The following MYADM variants were observed in gnomAD, a reference collection of about 807,000 sequenced individuals.
The protein encoded by MYADM is myeloid associated differentiation marker, also known as myeloid-associated differentiation marker.
For synonymous variants in MYADM, 224 were observed against 210.2 expected (o/e 1.07, Z -0.57); for missense variants, 416 against 443.4 (o/e 0.94, Z 0.56).
chr19:53,872,000 G>A (rs2068399248), intron 2 of MYADM, among the ~76,000 whole-genome samples: 1 of 152,138 alleles, frequency 6.6e-6, no homozygotes, highest in East Asian at 1.9e-4. Flanking sequence ...TAGGGTTCAA[G>A]CGATTCTCCT....
At chr19:53,872,683 T>A (rs538252929) in intron 2 of MYADM, 1 of 151,550 alleles carries the variant, frequency 6.6e-6, no homozygotes, top group African/African-American at 2.4e-5. Flanking sequence ...ATTAAAAAAT[T>A]TTTTTTTGGT....
rs771821931 is a variant in MYADM at position 53,873,503 on chromosome 19, G to A, written c.-2-25G>A. ...ATTCTTATGTTTGTGACTGTATAAG[G>A]ACACTGTCTTTCCCCTTTTTGCAGC... On this transcript the variant is annotated intron_variant, in intron 2 of 2. Coordinates refer to ENST00000391770, the MANE Select transcript of MYADM (RefSeq NM_138373.5). This position sits in a 1 kb window ranked among gnomAD's most constrained non-coding sequence, Gnocchi z 4.3. The A allele has an allele frequency of 3.0e-5, 47 of 1,575,694 alleles. 2 individuals are homozygous for A. The South Asian group carries it at 4.8e-4, about 16-fold the overall frequency.
Position 53,874,048 on chromosome 19 carries a change from C to A in MYADM, c.519C>A (p.Pro173=), listed in dbSNP as rs780298853. ...GEITGYMATV[P]GLLKVLETFV... ...TCACTGGCTATATGGCCACCGTACC[C>A]GGGCTGCTGAAGGTGCTGGAGACCT... The change falls in exon 3 of 3, where the codon CCC becomes CCA. Residue 173 remains proline, a synonymous_variant. Transcript: ENST00000391770. The A allele has an allele frequency of 2.5e-6, 4 of 1,609,728 alleles. No homozygotes were observed. The African/African-American group carries it at 5.3e-5, about 21-fold the overall frequency.
intron 2 of MYADM, among the ~76,000 whole-genome samples, chr19:53,871,877 ATTTAT>A (rs1277749383): frequency 2.6e-5 from 4 of 151,546 alleles, no homozygotes; most frequent in Non-Finnish European, 4.4e-5. Context: ...TTTATTTTTT[ATTTAT>A]TTTATTTATT....
rs1466320652 is a variant in MYADM, at chr19:53,875,618, G to A, written c.*1120G>A. 1 of 161,808 alleles carries A rather than the reference G, an allele frequency of 6.2e-6. No homozygotes were observed. The highest frequency in any genetic ancestry group is 1.5e-5 in the Non-Finnish European group (1 of 68,064). The allele number at this position is 161,808 out of a possible 1,614,324, so 10.0% of individuals were successfully genotyped here. The stretch of plus-strand genomic sequence containing the variant: ...TAATCCCAGCACTTTGGGAGACCAA[G>A]TCAGGCAATCATCTGAAGTCAGGAG... On this transcript the variant is annotated 3_prime_UTR_variant, in exon 3 of 3. Coordinates refer to ENST00000391770, the MANE Select transcript of MYADM (RefSeq NM_138373.5).
Position 53,874,147 on chromosome 19 carries a change from C to T in MYADM, c.618C>T (p.Cys206=), listed in dbSNP as rs780132482. 5 of 1,613,648 alleles carry T rather than the reference C, an allele frequency of 3.1e-6. No individual in the cohort carries two copies. Among genetic ancestry groups the T allele is most frequent in the Admixed American group, 1.7e-5 (1 of 60,036 alleles). ...LYQHQPALEW[C]VAVYAICFIL... is the part of the protein sequence containing the mutation. ...AGCACCAGCCGGCCCTGGAGTGGTG[C>T]GTGGCGGTGTACGCCATCTGCTTCA... The change falls in exon 3 of 3, where the codon TGC becomes TGT. Residue 206 remains cysteine (C), a synonymous_variant. Transcript: ENST00000391770.
upstream of MYADM, among the ~76,000 whole-genome samples, chr19:53,867,333 C>A (rs550368394): frequency 6.6e-6 from 1 of 152,098 alleles, no homozygotes; most frequent in Non-Finnish European, 1.5e-5. Context: ...CCTAGCCCCC[C>A]CATTGAACTG....
Position 53,874,385 on chromosome 19 carries a change from T to C in MYADM, c.856T>C (p.Tyr286His). The change falls in exon 3 of 3, where the codon TAC becomes CAC. Residue 286 changes from tyrosine (Y) to histidine (H), a missense_variant. By Grantham distance (83) the Tyr-to-His change is moderately conservative. Transcript: ENST00000391770. Reference sequence around the variant, plus strand: ...AAGCTGCAGCCGCAGCCATGCCTACTACGTGTGTGCCTGGGACCGCCGACT... The same window carrying C: ...AAGCTGCAGCCGCAGCCATGCCTACCACGTGTGTGCCTGGGACCGCCGACT... ...DVSCSRSHAY[Y>H]VCAWDRRLAV... The C allele has an allele frequency of 6.2e-7, 1 of 1,614,208 alleles. No individual in the cohort carries two copies. The highest frequency in any genetic ancestry group is 1.1e-5 in the South Asian group (1 of 91,090).
intron 2 of MYADM, among the ~76,000 whole-genome samples, chr19:53,870,109 A>G (rs1166840232): frequency 6.5e-5 from 1 of 15,382 alleles, no homozygotes; most frequent in Admixed American, 9.7e-4. Flanking sequence ...CCGAGGAAGG[A>G]GGGGCTGGGG....
rs566590150 is a variant in MYADM at position 53,875,849 on chromosome 19, C to CAA, written c.*1361_*1362dup. 6.7e-5 allele frequency: 10 copies of CAA among 149,594 alleles called. No homozygotes were observed. Among genetic ancestry groups the CAA allele is most frequent in the Non-Finnish European group, 1.3e-4 (8 of 64,000 alleles). 9.3% of individuals were successfully genotyped at this position (149,594 alleles called of 1,614,324 possible). On this transcript the variant is annotated 3_prime_UTR_variant, in exon 3 of 3. Coordinates refer to ENST00000391770, the MANE Select transcript of MYADM (RefSeq NM_138373.5). ...TGGGGGACAGAGCGAGACTCCATCT[C>CAA]AAAAAAAAAAAGGAATCGGACGAAG... is the stretch of plus-strand genomic sequence containing the variant.
At position 53,873,212 on chromosome 19, in the gene MYADM, A is replaced by G. The variant is rs574245428; in HGVS notation, c.-2-316A>G. 6.6e-6 allele frequency among the ~76,000 whole-genome samples: 1 copy of G among 152,326 alleles called. No homozygotes were observed. The highest frequency in any genetic ancestry group is 2.4e-5 in the African/African-American group (1 of 41,578). ...CAGTGAAACCCCGTCTCTACTAAAA[A>G]TACAAAAAAATTAGCCGGGCGTGGT... On this transcript the variant is annotated intron_variant, in intron 2 of 2. Transcript: ENST00000391770. The surrounding 1 kb of genome is among the most constrained non-coding windows in gnomAD (Gnocchi z 4.3).
chr19:53,870,332 G>A (rs1255959179), intron 2 of MYADM, among the ~76,000 whole-genome samples: 1 of 129,854 alleles, frequency 7.7e-6, no homozygotes, highest in Non-Finnish European at 1.6e-5. Flanking sequence ...GGGAGGAGGG[G>A]CTGGGGTCTG....
Position 53,868,404 on chromosome 19 carries a change from G to A in MYADM, c.-88+461G>A, listed in dbSNP as rs76219743. On this transcript the variant is annotated intron_variant, in intron 1 of 2. Transcript: ENST00000391770. This position sits in a 1 kb window ranked among gnomAD's most constrained non-coding sequence, Gnocchi z 6.3. The stretch of plus-strand genomic sequence containing the variant: ...GGTACGTGGAGGTCCTTTAGGAGGG[G>A]AAGCGCTTAGGGTTAGGTGTCCTGG... 0.068 allele frequency among the ~76,000 whole-genome samples: 10,372 copies of A among 152,100 alleles called. 480 individuals are homozygous for A. Among genetic ancestry groups the A allele is most frequent in the South Asian group, 0.1 (491 of 4,822 alleles).
intron 2 of MYADM, among the ~76,000 whole-genome samples, chr19:53,871,185 C>T (rs1001790619): frequency 6.6e-6 from 1 of 152,082 alleles, no homozygotes; most frequent in African/African-American, 2.4e-5. Flanking sequence ...GAGTCAAGAT[C>T]GCACCATTGC....
At chr19:53,872,350 C>T (rs2068408231) in intron 2 of MYADM, among the ~76,000 whole-genome samples, 2 of 151,900 alleles carry the variant, frequency 1.3e-5, no homozygotes, top group Admixed American at 1.3e-4. Context: ...TGCATGCCAC[C>T]ACGCCCAGAT....
rs531768600 is a variant in MYADM, at chr19:53,871,088, G to A, written c.-3+1250G>A. On this transcript the variant is annotated intron_variant, in intron 2 of 2. Transcript: ENST00000391770. ...TCTACTGAAAATACAAAAATTAGCC[G>A]AGCATGGTGGCACACACCTGTAATC... Among the ~76,000 whole-genome samples the A allele has an allele frequency of 5.3e-5, 8 of 152,250 alleles. No homozygotes were observed. The South Asian group carries it at 1.5e-3, about 28-fold the overall frequency.
In MYADM at chr19:53,874,535, CTT is replaced by C; in HGVS notation, c.*39_*40del. 3 of 1,524,448 alleles carry C rather than the reference CTT, an allele frequency of 2.0e-6. No homozygotes were observed. Among genetic ancestry groups the C allele is most frequent in the Non-Finnish European group, 2.6e-6 (3 of 1,137,144 alleles). 94.4% of individuals were successfully genotyped at this position (1,524,448 alleles called of 1,614,324 possible). ...GAGGCTCCCGTTCCCTCTCCAACCT[CTT>C]TGTTCTTCTTGCCCGAGTTTTCTTT... is the stretch of plus-strand genomic sequence containing the variant. On this transcript the variant is annotated 3_prime_UTR_variant, in exon 3 of 3. Coordinates refer to ENST00000391770, the MANE Select transcript of MYADM (RefSeq NM_138373.5).
chr19:53,873,399 A>G lies in MYADM; in HGVS notation c.-2-129A>G, dbSNP rs891224704. 9.8e-6 allele frequency: 10 copies of G among 1,024,736 alleles called. No homozygotes were observed. Among genetic ancestry groups the G allele is most frequent in the Non-Finnish European group, 1.4e-5 (10 of 702,416 alleles). 63.5% of individuals were successfully genotyped at this position (1,024,736 alleles called of 1,614,324 possible). A position where few individuals can be genotyped will look rare whatever the true frequency, so the allele number is the denominator to read the frequency against. ...AAAAAAAAAAAGAAAAGAAAACCGAAAGCCCCACATCTTGGGAACTCCCTA... is the reference window on the plus strand; with the variant it reads ...AAAAAAAAAAAGAAAAGAAAACCGAGAGCCCCACATCTTGGGAACTCCCTA... On this transcript the variant is annotated intron_variant, in intron 2 of 2. Transcript: ENST00000391770. The surrounding 1 kb of genome is among the most constrained non-coding windows in gnomAD (Gnocchi z 4.3).
rs1488794967 is a variant in MYADM, at chr19:53,873,633, C to G, written c.104C>G (p.Pro35Arg). The G allele has an allele frequency of 6.2e-7, 1 of 1,614,184 alleles. No homozygotes were observed. Among genetic ancestry groups the G allele is most frequent in the East Asian group, 2.2e-5 (1 of 44,872 alleles). ...GGGTCCCCTCGGGCCCTGACACAGC[C>G]CCTGGGTCTCCTTCGCCTGCTGCAG... ...IVGSPRALTQ[P>R]LGLLRLLQLV... is the part of the protein sequence containing the mutation. The change falls in exon 3 of 3, where the codon CCC becomes CGC. Residue 35 changes from proline (P) to arginine (R), a missense_variant. By Grantham distance (103) the Pro-to-Arg change is moderately radical. Coordinates refer to ENST00000391770, the MANE Select transcript of MYADM (RefSeq NM_138373.5). The surrounding 1 kb of genome is among the most constrained non-coding windows in gnomAD (Gnocchi z 4.3).
Sources: allele counts gnomAD v4.1 joint callset (sites outside exome capture counted in the v4.1 genomes callset), GRCh38; gene constraint gnomAD v4.1.1; non-coding constraint Gnocchi (gnomAD v3.1); transcripts MANE v1.5; gene names NCBI Gene and HGNC (gene_info 2026-07-23, HGNC 2026-07-21).